MIER1: variants seen among roughly 807,000 people sequenced by gnomAD.
MIER1 encodes the protein MIER1 transcriptional regulator.
In MIER1, 40 loss-of-function variants were observed where a neutral mutation model predicts 75.7. That is an observed-to-expected ratio of 0.53 (90% CI 0.41 to 0.69). The LOEUF (loss-of-function observed/expected upper bound fraction) is 0.69. MIER1 is among the 30% of genes least tolerant of loss of function. The pLI is 0.00. For synonymous variants in MIER1, 213 were observed against 223.4 expected, an observed-to-expected ratio of 0.95 and a Z score of 0.42; for missense variants, 574 against 680.2, an observed-to-expected ratio of 0.84 and a Z score of 1.74.
chr1:66,958,805 A>C, intron 5 of MIER1, 46 bp from the exon 6 acceptor site: 2 of 1,506,458 alleles, frequency 1.3e-6, no homozygotes, highest in South Asian at 1.2e-5. Flanking sequence ...TTCATCTGCA[A>C]CTGTTTTCCT....
At chr1:66,949,040 A>G (rs990318969) in intron 4 of MIER1, among the ~76,000 whole-genome samples, 10 of 152,310 alleles carry the variant, frequency 6.6e-5, no homozygotes, top group Non-Finnish European at 1.2e-4. Context: ...TGATTTAACA[A>G]TCATAGTCAC....
Position 66,942,232 on chromosome 1 carries a change from A to G in MIER1, c.193+2180A>G, listed in dbSNP as rs117836320. Among the ~76,000 whole-genome samples, 10 of 152,346 alleles carry G rather than the reference A, an allele frequency of 6.6e-5. No individual in the cohort carries two copies. In the East Asian group the frequency reaches 1.4e-3, roughly 21 times the overall value. On this transcript the variant is annotated intron_variant, in intron 3 of 13. Transcript: ENST00000401041. The stretch of plus-strand genomic sequence containing the variant: ...TTCAGTCCCCTGATGAAAAGGCTAT[A>G]TCCTTTGTAGCATCTGTACTTTGCA...
chr1:66,930,207 C>T (rs1055621158), intron 2 of MIER1: 7 of 1,372,410 alleles, frequency 5.1e-6, no homozygotes, highest in African/African-American at 4.6e-5. Context: ...CGGGGCGCCG[C>T]GAGGGGGCGG....
chr1:66,927,765 G>A (rs1652176850), intron 2 of MIER1, among the ~76,000 whole-genome samples: 2 of 152,018 alleles, frequency 1.3e-5, no homozygotes, highest in African/African-American at 2.4e-5. Flanking sequence ...GTCACTGGAG[G>A]GGTTTAAACA....
At chr1:66,973,975 T>G (rs1570479076) in intron 11 of MIER1, among the ~76,000 whole-genome samples, 1 of 152,130 alleles carries the variant, frequency 6.6e-6, no homozygotes, top group African/African-American at 2.4e-5. Context: ...GTGATTGGAT[T>G]GTATCCAGTT....
chr1:66,949,612 T>C (rs1658454989), intron 4 of MIER1, among the ~76,000 whole-genome samples: 1 of 152,216 alleles, frequency 6.6e-6, no homozygotes, highest in South Asian at 2.1e-4. Flanking sequence ...ATCTGTAACC[T>C]GAAGCTAAGC....
chr1:66,954,036 A>G (rs1300274168), intron 4 of MIER1, among the ~76,000 whole-genome samples: 1 of 152,222 alleles, frequency 6.6e-6, no homozygotes, highest in African/African-American at 2.4e-5. Flanking sequence ...CAAGGAATAT[A>G]TGGAACCAGG....
rs780782253 is a variant in MIER1, at chr1:66,928,896, T to G, written c.168+2654T>G. On this transcript the variant is annotated intron_variant, in intron 2 of 13. Transcript: ENST00000401041. The stretch of plus-strand genomic sequence containing the variant: ...CTTGCTTTTCTTTCAGTAGAAAATG[T>G]GCATCAGATGTTTATGTTTAATTGG... 3.1e-6 allele frequency: 5 copies of G among 1,602,150 alleles called. No individual in the cohort carries two copies. The South Asian group carries it at 5.6e-5, about 18-fold the overall frequency.
chr1:66,925,520 A>G lies in MIER1; in HGVS notation c.67+425A>G, dbSNP rs568461892. The G allele has an allele frequency of 8.3e-4, 817 of 985,354 alleles. 6 individuals are homozygous for G. In the African/African-American group the frequency reaches 0.013, roughly 15 times the overall value. 61.0% of individuals were successfully genotyped at this position (985,354 alleles called of 1,614,324 possible). A position where few individuals can be genotyped will look rare whatever the true frequency, so the allele number is the denominator to read the frequency against. On this transcript the variant is annotated intron_variant, in intron 1 of 13. Transcript: ENST00000401041. ...CCATCCCCGGGAGGCTCTCGCTTGC[A>G]CTGCAGCCTTTATGGTGAGCAGCGC...
At chr1:66,963,018 G>A in intron 7 of MIER1, 70 bp from the exon 8 acceptor site, 1 of 1,067,710 alleles carries the variant, frequency 9.4e-7, no homozygotes, top group Non-Finnish European at 1.4e-6. Context: ...TACTAAGATG[G>A]TAAGGCTAGA....
rs750672111 is a variant in MIER1, at chr1:66,958,870, C to T, written c.521C>T (p.Ser174Leu). 4.4e-6 allele frequency: 7 copies of T among 1,608,930 alleles called. No individual in the cohort carries two copies. The East Asian group carries it at 1.1e-4, about 26-fold the overall frequency. The change falls in exon 6 of 14, where the codon TCA (serine) becomes TTA (leucine). Residue 174 changes from serine to leucine, a missense_variant. Ser to Leu is a moderately radical substitution (Grantham distance 145). This residue lies in a region of MIER1 where 309 missense variants were observed against 352.8 expected (regional missense o/e 0.88). Transcript: ENST00000401041. Reference protein sequence around the residue: ...GENKEENIKDSSGQEDETQSS... With the variant: ...GENKEENIKDLSGQEDETQSS... The stretch of plus-strand genomic sequence containing the variant: ...CCACAGGAGGAGAATATAAAGGATT[C>T]ATCAGGTCAGGAGGATGAAACTCAG...
At chr1:66,963,782 C>T (rs1211914501) in intron 8 of MIER1, among the ~76,000 whole-genome samples, 1 of 151,982 alleles carries the variant, frequency 6.6e-6, no homozygotes, top group East Asian at 2.0e-4. Flanking sequence ...GTGGCGCGCA[C>T]CTGTAATCCC....
chr1:66,957,007 C>T (rs1052434652), intron 4 of MIER1, among the ~76,000 whole-genome samples: 8 of 152,150 alleles, frequency 5.3e-5, no homozygotes, highest in African/African-American at 1.7e-4. Context: ...TAAACCATGT[C>T]TTATTTCATG....
chr1:66,985,138 ATC>A lies in MIER1; in HGVS notation c.*242_*243del. ...GTAAATTTGAATGAACTAAAGATAT[ATC>A]TCTACCTTCTCATTTGAATATCTTT... is the stretch of plus-strand genomic sequence containing the variant. On this transcript the variant is annotated 3_prime_UTR_variant, in exon 14 of 14. Transcript: ENST00000401041. The A allele has an allele frequency of 9.1e-7, 1 of 1,102,984 alleles. No individual in the cohort carries two copies. Among genetic ancestry groups the A allele is most frequent in the Non-Finnish European group, 1.1e-6 (1 of 892,388 alleles). The allele number at this position is 1,102,984 out of a possible 1,614,324, so 68.3% of individuals were successfully genotyped here.
At chr1:66,963,412 C>A (rs537447791) in intron 8 of MIER1, among the ~76,000 whole-genome samples, 140 of 152,218 alleles carry the variant, frequency 9.2e-4, no homozygotes, top group African/African-American at 3.2e-3. Context: ...AAGTGACTTA[C>A]AATGTCTCAA....
intron 11 of MIER1, among the ~76,000 whole-genome samples, chr1:66,976,291 C>G (rs867411837): frequency 6.6e-6 from 1 of 152,302 alleles, no homozygotes; most frequent in African/African-American, 2.4e-5. Context: ...CGTGAGCCAC[C>G]GTGCCCGGCC....
chr1:66,967,986 A>C (rs897961177), intron 8 of MIER1, among the ~76,000 whole-genome samples: 4 of 152,224 alleles, frequency 2.6e-5, no homozygotes, highest in African/African-American at 9.6e-5. Context: ...TTGCCTTTAT[A>C]TCTTTCTCTT....
intron 2 of MIER1, among the ~76,000 whole-genome samples, chr1:66,930,725 G>T (rs562461891): frequency 2.0e-5 from 3 of 152,138 alleles, no homozygotes; most frequent in African/African-American, 7.2e-5. Context: ...GGTGCTAGGG[G>T]CCAGGAGAGA....
rs757390830 is a variant in MIER1, at chr1:66,958,861, T to C, written c.512T>C (p.Ile171Thr). ...TTTATTATTCCACAGGAGGAGAATA[T>C]AAAGGATTCATCAGGTCAGGAGGAT... ...GCSGENKEENIKDSSGQEDET... is the reference protein window; with the variant it reads ...GCSGENKEENTKDSSGQEDET... Residue 171 changes from isoleucine (I) to threonine (T), a missense_variant, in exon 6 of 14, where the codon ATA becomes ACA. This residue lies in a region of MIER1 where 309 missense variants were observed against 352.8 expected (regional missense o/e 0.88). Transcript: ENST00000401041. 1 of 1,608,026 alleles carries C rather than the reference T, an allele frequency of 6.2e-7. No individual in the cohort carries two copies. Among genetic ancestry groups the C allele is most frequent in the South Asian group, 1.1e-5 (1 of 90,232 alleles).
Sources: allele counts gnomAD v4.1 joint callset (sites outside exome capture counted in the v4.1 genomes callset), GRCh38; gene constraint gnomAD v4.1.1; regional missense constraint gnomAD v4.1.1; transcripts MANE v1.5; gene names NCBI Gene and HGNC (gene_info 2026-07-23, HGNC 2026-07-21).